The following PTP4A1 variants were observed in gnomAD, a reference collection of about 807,000 sequenced individuals.
PTP4A1 encodes protein tyrosine phosphatase 4A1, also known as protein tyrosine phosphatase type IVA 1.
A neutral mutation model predicts 20.5 loss-of-function variants in PTP4A1; 9 were observed. That is an observed-to-expected ratio of 0.44 (90% CI 0.26 to 0.77). The LOEUF (loss-of-function observed/expected upper bound fraction) is 0.77, where lower values mean the gene tolerates loss of function less well. Ranked by LOEUF, PTP4A1 falls within the 30% of genes least tolerant of loss-of-function variation. The pLI, the probability that PTP4A1 is intolerant of heterozygous loss-of-function variation, is 0.19. For missense variants in PTP4A1, 137 were observed against 218.8 expected, an observed-to-expected ratio of 0.63 and a Z score of 2.36; for synonymous variants, 78 against 67.4, an observed-to-expected ratio of 1.16 and a Z score of -0.77.
chr6:63,569,636 GA>G (rs1777334835), upstream of PTP4A1, among the ~76,000 whole-genome samples: 1 of 152,180 alleles, frequency 6.6e-6, no homozygotes, highest in Non-Finnish European at 1.5e-5. Context: ...ATTGTCAATA[GA>G]AAGCCCTGCC....
intron 1 of PTP4A1, among the ~76,000 whole-genome samples, chr6:63,574,385 T>C (rs1777710445): frequency 1.3e-5 from 2 of 152,282 alleles, no homozygotes; most frequent in South Asian, 4.1e-4. Flanking sequence ...ATCCCCATTA[T>C]GGATAGTTTT....
intron 1 of PTP4A1, among the ~76,000 whole-genome samples, chr6:63,574,373 A>AG: frequency 6.6e-6 from 1 of 151,442 alleles, no homozygotes; most frequent in Non-Finnish European, 1.5e-5. Context: ...GGGAGGGAAA[A>AG]AATCCCCATT....
At chr6:63,569,771 G>T (rs1561912061), upstream of PTP4A1, among the ~76,000 whole-genome samples, 1 of 152,124 alleles carries the variant, frequency 6.6e-6, no homozygotes, top group African/African-American at 2.4e-5. Flanking sequence ...GTAAGCATTG[G>T]CTTTTAGAGG....
At chr6:63,518,154 CAAAAAAAAA>C (rs60368385), upstream of PTP4A1, among the ~76,000 whole-genome samples, 2 of 62,112 alleles carry the variant, frequency 3.2e-5, no homozygotes, top group African/African-American at 9.8e-5. Flanking sequence ...ACTCCGTCTC[CAAAAAAAAA>C]AAAAAAAAAA....
intron 2 of PTP4A1, among the ~76,000 whole-genome samples, chr6:63,538,807 A>G (rs56857388): frequency 0.04 from 6,055 of 152,298 alleles, 422 homozygotes; most frequent in African/African-American, 0.14. Flanking sequence ...GTCCAAGCCA[A>G]TTTTGCATTT....
chr6:63,559,622 G>A (rs1260886486), intron 3 of PTP4A1, among the ~76,000 whole-genome samples: 1 of 152,042 alleles, frequency 6.6e-6, no homozygotes, highest in Admixed American at 6.6e-5. Context: ...GTGTATGCCT[G>A]TAATCCCAGC....
At position 63,530,225 on chromosome 6, in the gene PTP4A1, T is replaced by A. The variant is rs545345494; in HGVS notation, c.-640+2141T>A. 9.5e-4 allele frequency among the ~76,000 whole-genome samples: 144 copies of A among 152,186 alleles called. 1 individual carries two copies. The highest frequency in any genetic ancestry group is 1.9e-3 in the Non-Finnish European group (131 of 68,030). The stretch of plus-strand genomic sequence containing the variant: ...AAGTTAATTTACTTAACACTTTTTT[T>A]TCATACACTGGAGTCAGCAGATTAT... On this transcript the variant is annotated intron_variant, in intron 2 of 3. Transcript: ENST00000639568.
At chr6:63,523,534 A>AATAT (rs1316087525) in intron 1 of PTP4A1, among the ~76,000 whole-genome samples, 5 of 152,064 alleles carry the variant, frequency 3.3e-5, no homozygotes, top group African/African-American at 7.2e-5. Context: ...TAAATAAATA[A>AATAT]ATAAAAGAAA....
intron 2 of PTP4A1, among the ~76,000 whole-genome samples, chr6:63,548,464 T>C (rs1392469491): frequency 6.6e-6 from 1 of 152,194 alleles, no homozygotes; most frequent in African/African-American, 2.4e-5. Context: ...CATTCCTACA[T>C]AGGTGCTCTC....
intron 3 of PTP4A1, among the ~76,000 whole-genome samples, chr6:63,559,454 ATG>A (rs1776840316): frequency 6.6e-6 from 1 of 152,192 alleles, no homozygotes; most frequent in African/African-American, 2.4e-5. Context: ...GGTTTAAAAA[ATG>A]AATTTCACGG....
At chr6:63,559,311 G>A (rs1776831342) in intron 3 of PTP4A1, among the ~76,000 whole-genome samples, 1 of 152,144 alleles carries the variant, frequency 6.6e-6, no homozygotes, top group African/African-American at 2.4e-5. Flanking sequence ...GGAGTTATTT[G>A]GGGGAAGTGA....
intron 1 of PTP4A1, among the ~76,000 whole-genome samples, chr6:63,522,161 CTATATT>C (rs900468188): frequency 6.6e-6 from 1 of 152,136 alleles, no homozygotes; most frequent in Non-Finnish European, 1.5e-5. Context: ...TATCCCAACT[CTATATT>C]TATGTTTTCT....
Position 63,576,903 on chromosome 6 carries a change from C to A in PTP4A1, c.23C>A (p.Ala8Asp). Residue 8 changes from alanine to aspartate, a missense_variant, in exon 2 of 6, where the codon GCT (alanine) becomes GAT (aspartate). By Grantham distance (126) the Ala-to-Asp change is moderately radical. Transcript: ENST00000626021. ...AACATGGCTCGAATGAACCGCCCAGCTCCTGTGGAAGTCACATACAAGAAC... is the reference window on the plus strand; with the variant it reads ...AACATGGCTCGAATGAACCGCCCAGATCCTGTGGAAGTCACATACAAGAAC... The part of the protein sequence containing the change: MARMNRP[A>D]PVEVTYKNMR... 1 of 1,613,634 alleles carries A rather than the reference C, an allele frequency of 6.2e-7. No individual in the cohort carries two copies. The highest frequency in any genetic ancestry group is 1.1e-5 in the South Asian group (1 of 91,036).
At chr6:63,552,048 G>GT (rs1776472193) in intron 3 of PTP4A1, among the ~76,000 whole-genome samples, 1 of 152,138 alleles carries the variant, frequency 6.6e-6, no homozygotes, top group African/African-American at 2.4e-5. Flanking sequence ...AATCCTTTGG[G>GT]TGTATACCCA....
At position 63,581,978 on chromosome 6, in the gene PTP4A1, G is replaced by A. The variant is rs1304919836; in HGVS notation, c.*1804G>A. On this transcript the variant is annotated 3_prime_UTR_variant, in exon 6 of 6. Transcript: ENST00000626021. ...TTGAATAGCAGTTATAAATGTAAAGGACTCAAAGTTTAAGTAAAAAGTGAT... is the reference window on the plus strand; with the variant it reads ...TTGAATAGCAGTTATAAATGTAAAGAACTCAAAGTTTAAGTAAAAAGTGAT... 9 of 151,984 alleles carry A rather than the reference G, an allele frequency of 5.9e-5. No homozygotes were observed. The highest frequency in any genetic ancestry group is 5.9e-5 in the Non-Finnish European group (4 of 67,960). 9.4% of individuals were successfully genotyped at this position (151,984 alleles called of 1,614,324 possible).
At chr6:63,558,757 G>A (rs1169219620) in intron 3 of PTP4A1, among the ~76,000 whole-genome samples, 4 of 152,192 alleles carry the variant, frequency 2.6e-5, no homozygotes, top group African/African-American at 9.7e-5. Flanking sequence ...GACAGAGAAA[G>A]AATAGGAAAT....
intron 1 of PTP4A1, among the ~76,000 whole-genome samples, chr6:63,526,348 A>G (rs564563508): frequency 6.6e-6 from 1 of 151,992 alleles, no homozygotes; most frequent in South Asian, 2.1e-4. Flanking sequence ...AAATAAAAGA[A>G]ATTTCCAGAA....
chr6:63,562,201 C>CTTT (rs60593360), intron 3 of PTP4A1, among the ~76,000 whole-genome samples: 2 of 137,332 alleles, frequency 1.5e-5, no homozygotes, highest in Non-Finnish European at 3.2e-5. Context: ...TTTTCTTTTT[C>CTTT]TTTTTTTTTT....
chr6:63,524,264 C>T (rs949909305), intron 1 of PTP4A1, among the ~76,000 whole-genome samples: 4 of 152,080 alleles, frequency 2.6e-5, no homozygotes, highest in African/African-American at 9.7e-5. Flanking sequence ...GGATTACAGA[C>T]GTGAGCCCCC....
Sources: gnomAD v4.1 joint callset for allele counts (sites outside exome capture counted in the v4.1 genomes callset) on GRCh38, gnomAD v4.1.1 for gene constraint, MANE v1.5 for transcripts, NCBI Gene and HGNC (gene_info 2026-07-23, HGNC 2026-07-21) for gene names.